BST1: variants seen among roughly 807,000 people sequenced by gnomAD.
BST1 encodes the protein bone marrow stromal cell antigen 1.
Under a neutral mutation model 40.6 loss-of-function variants are expected in BST1, and 49 were observed. The observed-to-expected ratio is 1.21, with a 90% CI of 0.96 to 1.53. The LOEUF (loss-of-function observed/expected upper bound fraction) is 1.53. BST1 is among the 40% of genes most tolerant of loss of function. BST1 has a pLI of 0.00. For synonymous variants in BST1, 157 were observed against 159.3 expected, an observed-to-expected ratio of 0.99 and a Z score of 0.11; for missense variants, 423 against 395.9, an observed-to-expected ratio of 1.07 and a Z score of -0.58.
downstream of BST1, among the ~76,000 whole-genome samples, chr4:15,740,927 T>C (rs1019628553): frequency 2.6e-5 from 4 of 151,622 alleles, no homozygotes; most frequent in African/African-American, 7.3e-5. Context: ...TCGCAACTAC[T>C]CAACTCCGTG....
At chr4:15,767,050 C>G in the BST1 span, among the ~76,000 whole-genome samples, 1 of 151,854 alleles carries the variant, frequency 6.6e-6, no homozygotes, top group East Asian at 1.9e-4. Flanking sequence ...CATAGTAGAT[C>G]TGCAAGTTGT....
At chr4:15,704,128 G>T (rs1719738198) in intron 1 of BST1, among the ~76,000 whole-genome samples, 1 of 135,874 alleles carries the variant, frequency 7.4e-6, no homozygotes, top group African/African-American at 2.8e-5. Context: ...ATAGGTGAGG[G>T]ATGTGTGTGT....
At chr4:15,758,842 G>A in the BST1 span, among the ~76,000 whole-genome samples, 13 of 150,230 alleles carry the variant, frequency 8.7e-5, no homozygotes, top group African/African-American at 2.3e-4. Context: ...AGTATTTGGC[G>A]TCAATGCCTA....
intron 7 of BST1, among the ~76,000 whole-genome samples, chr4:15,722,655 A>G (rs1343552989): frequency 6.8e-6 from 1 of 147,008 alleles, no homozygotes; most frequent in Admixed American, 6.8e-5. Flanking sequence ...CTGGTCTCAA[A>G]CTCCTGGTCT....
chr4:15,724,167 A>G (rs1049579310), intron 8 of BST1, among the ~76,000 whole-genome samples: 1 of 152,168 alleles, frequency 6.6e-6, no homozygotes, highest in Admixed American at 6.5e-5. Flanking sequence ...TAGCCCTGCT[A>G]TCGTTCATTC....
the BST1 span, among the ~76,000 whole-genome samples, chr4:15,758,790 A>C: frequency 6.7e-6 from 1 of 150,244 alleles, no homozygotes; most frequent in African/African-American, 2.5e-5. Flanking sequence ...GAGAATATGC[A>C]GTATTATTTA....
intron 3 of BST1, among the ~76,000 whole-genome samples, chr4:15,708,238 G>A (rs764051370): frequency 5.3e-5 from 8 of 152,112 alleles, no homozygotes; most frequent in Non-Finnish European, 1.0e-4. Flanking sequence ...ACTCCAGGCC[G>A]CCGGCAGATA....
At position 15,703,266 on chromosome 4, in the gene BST1, C is replaced by A; in HGVS notation, c.122C>A (p.Ala41Glu). The A allele has an allele frequency of 3.2e-6, 5 of 1,539,588 alleles. No homozygotes were observed. The highest frequency in any genetic ancestry group is 4.4e-6 in the Non-Finnish European group (5 of 1,146,946). The change falls in exon 1 of 9, where the codon GCA becomes GAA. Residue 41 changes from alanine (A) to glutamate (E), a missense_variant. Physicochemically the swap from Ala to Glu is moderately radical, Grantham distance 107. Coordinates refer to ENST00000265016, the MANE Select transcript of BST1 (RefSeq NM_004334.3). ...RARWRGEGTS[A>E]HLRDIFLGRC... ...CGGTGGCGCGGGGAGGGCACCAGCG[C>A]ACACTTGCGGGACATCTTCCTGGGC...
chr4:15,709,764 T>C (rs1439927639), intron 3 of BST1, among the ~76,000 whole-genome samples: 3 of 151,926 alleles, frequency 2.0e-5, no homozygotes, highest in Non-Finnish European at 4.4e-5. Context: ...GGTGATGGGG[T>C]TTTTTATTTA....
At chr4:15,736,737 T>C (rs1045612413), downstream of BST1, among the ~76,000 whole-genome samples, 3 of 152,206 alleles carry the variant, frequency 2.0e-5, no homozygotes, top group African/African-American at 7.2e-5. Flanking sequence ...ATTCTCAACA[T>C]AAGCCTTTGG....
Position 15,718,756 on chromosome 4 carries a change from G to T in BST1, c.705-151G>T, listed in dbSNP as rs138604670. The T allele has an allele frequency of 6.1e-4, 380 of 623,422 alleles. 1 individual carries two copies. In the African/African-American group the frequency reaches 6.6e-3, roughly 11 times the overall value. The allele number at this position is 623,422 out of a possible 1,614,324, so 38.6% of individuals were successfully genotyped here. On this transcript the variant is annotated intron_variant, in intron 6 of 8. Coordinates refer to ENST00000265016, the MANE Select transcript of BST1 (RefSeq NM_004334.3). The stretch of plus-strand genomic sequence containing the variant: ...GGGTCCTGCAGGTTTACCGGAAGCA[G>T]CCCTTTTTAAACCAGAGACATTCCA...
intron 7 of BST1, among the ~76,000 whole-genome samples, chr4:15,721,322 T>C (rs1029810182): frequency 2.0e-5 from 3 of 152,216 alleles, no homozygotes; most frequent in African/African-American, 7.2e-5. Flanking sequence ...TATCTTTTCA[T>C]GGCCTCCCTT....
the BST1 span, among the ~76,000 whole-genome samples, chr4:15,770,060 G>C: frequency 2.0e-5 from 3 of 152,192 alleles, no homozygotes; most frequent in East Asian, 3.9e-4. Flanking sequence ...GGCTGGTCTC[G>C]AACTCTTGAC....
At chr4:15,749,285 C>T in the BST1 span, among the ~76,000 whole-genome samples, 888 of 152,294 alleles carry the variant, frequency 5.8e-3, 9 homozygotes, top group African/African-American at 0.02. Context: ...GGTCCAGAAA[C>T]GGTCATTGCC....
Position 15,715,316 on chromosome 4 carries a change from T to C in BST1, c.566T>C (p.Val189Ala). The C allele has an allele frequency of 6.2e-7, 1 of 1,614,170 alleles. No homozygotes were observed. Among genetic ancestry groups the C allele is most frequent in the Non-Finnish European group, 8.5e-7 (1 of 1,180,004 alleles). ...YSKDSSGVIH[V>A]MLNGSEPTGA... is the part of the protein sequence containing the mutation. ...AAGGATAGTTCTGGGGTGATCCACG[T>C]CATGCTGAATGGTTCAGAGCCAACA... is the stretch of plus-strand genomic sequence containing the variant. The change falls in exon 5 of 9, where the codon GTC becomes GCC. Residue 189 changes from valine to alanine, a missense_variant. Val to Ala is a moderately conservative substitution (Grantham distance 64). Transcript: ENST00000265016.
rs535318548 is a variant in BST1, at chr4:15,709,823, C to A, written c.452-1984C>A. Among the ~76,000 whole-genome samples the A allele has an allele frequency of 9.2e-5, 14 of 152,180 alleles. No homozygotes were observed. In the South Asian group the frequency reaches 2.5e-3, roughly 27 times the overall value. On this transcript the variant is annotated intron_variant, in intron 3 of 8. Coordinates refer to ENST00000265016, the MANE Select transcript of BST1 (RefSeq NM_004334.3). ...TTAAGCAAAAAATAAATTTACATAA[C>A]CCTGTGATTGGTATGAGGCTATTCA...
chr4:15,727,044 T>C (rs1721153523), intron 8 of BST1, among the ~76,000 whole-genome samples: 1 of 152,148 alleles, frequency 6.6e-6, no homozygotes, highest in Admixed American at 6.5e-5. Flanking sequence ...GGCTTCCAGC[T>C]GGCACTCTGG....
At chr4:15,738,716 G>A (rs1342393705), downstream of BST1, among the ~76,000 whole-genome samples, 5 of 152,200 alleles carry the variant, frequency 3.3e-5, no homozygotes, top group East Asian at 3.8e-4. Context: ...TTCATAGTTC[G>A]TTATGGCCAC....
chr4:15,708,707 A>C (rs35519415), intron 3 of BST1, among the ~76,000 whole-genome samples: 73,180 of 151,782 alleles, frequency 0.48, 18,165 homozygotes, highest in African/African-American at 0.59. Flanking sequence ...GAAGAAATCC[A>C]AACTCTACTA....
Sources: allele counts gnomAD v4.1 joint callset (sites outside exome capture counted in the v4.1 genomes callset), GRCh38; gene constraint gnomAD v4.1.1; transcripts MANE v1.5; gene names NCBI Gene and HGNC (gene_info 2026-07-23, HGNC 2026-07-21).